The following DOCK2 variants were observed in gnomAD, a reference collection of about 807,000 sequenced individuals.
DOCK2 encodes dedicator of cytokinesis protein 2.
Under a neutral mutation model 248.9 loss-of-function variants are expected in DOCK2, and 87 were observed. The observed-to-expected ratio is 0.35, with a 90% CI of 0.29 to 0.42. The LOEUF (loss-of-function observed/expected upper bound fraction) is 0.42, where lower values mean the gene tolerates loss of function less well. Ranked by LOEUF, DOCK2 falls within the 10% of genes least tolerant of loss-of-function variation. The probability of loss-of-function intolerance (pLI) is 1.00; values close to 1 mark genes in which losing one functional copy is unlikely to be tolerated. For missense variants in DOCK2, 1,747 were observed against 2,300.2 expected, an observed-to-expected ratio of 0.76 and a Z score of 4.92; for synonymous variants, 805 against 821.6, an observed-to-expected ratio of 0.98 and a Z score of 0.35.
intron 27 of DOCK2, among the ~76,000 whole-genome samples, chr5:169,946,773 C>T (rs539253903): frequency 1.3e-5 from 2 of 152,340 alleles, no homozygotes; most frequent in South Asian, 4.1e-4. Context: ...CAGTAGGATC[C>T]TGTCATTGAG....
chr5:169,884,544 G>A (rs1772859708), intron 27 of DOCK2: 1 of 152,146 alleles, frequency 6.6e-6, no homozygotes, highest in African/African-American at 2.4e-5. Flanking sequence ...TGGGGCCATT[G>A]TTTTCTTTCA....
chr5:169,923,511 A>ACT (rs1491076506), intron 27 of DOCK2, among the ~76,000 whole-genome samples: 1 of 142,200 alleles, frequency 7.0e-6, no homozygotes, highest in South Asian at 2.2e-4. Flanking sequence ...ACACACACAC[A>ACT]CTCTTTGCAG....
intron 1 of DOCK2, among the ~76,000 whole-genome samples, chr5:169,645,160 G>C (rs1757385991): frequency 6.6e-6 from 1 of 152,168 alleles, no homozygotes; most frequent in Admixed American, 6.5e-5. Flanking sequence ...TATATACCTA[G>C]TAATGGGATT....
chr5:169,709,156 A>T (rs1430467507), intron 15 of DOCK2, among the ~76,000 whole-genome samples: 4 of 152,228 alleles, frequency 2.6e-5, no homozygotes, highest in Non-Finnish European at 4.4e-5. Context: ...AGTCTGCAAA[A>T]TTGAACTAGA....
At chr5:169,923,111 C>G (rs1174068321) in intron 27 of DOCK2, among the ~76,000 whole-genome samples, 2 of 152,180 alleles carry the variant, frequency 1.3e-5, no homozygotes, top group Non-Finnish European at 2.9e-5. Flanking sequence ...TGTGCCTAGG[C>G]TCTCAGGCTC....
chr5:169,799,811 G>GT (rs147707152), intron 25 of DOCK2, among the ~76,000 whole-genome samples: 18,546 of 151,336 alleles, frequency 0.12, 1,417 homozygotes, highest in Non-Finnish European at 0.17. Context: ...CAACGAGTTG[G>GT]TTTTTTTTTC....
chr5:169,697,959 G>A (rs566334302), intron 10 of DOCK2, among the ~76,000 whole-genome samples: 38 of 152,240 alleles, frequency 2.5e-4, no homozygotes, highest in African/African-American at 9.1e-4. Context: ...ATGAAAAGAG[G>A]GTGGATATTT....
intron 34 of DOCK2, among the ~76,000 whole-genome samples, chr5:170,028,950 G>A (rs982806206): frequency 1.3e-5 from 2 of 152,116 alleles, no homozygotes; most frequent in Non-Finnish European, 2.9e-5. Flanking sequence ...CCATATGGAT[G>A]TACCCCATTT....
At chr5:169,981,836 G>C (rs1345013191) in intron 27 of DOCK2, among the ~76,000 whole-genome samples, 2 of 152,084 alleles carry the variant, frequency 1.3e-5, no homozygotes, top group African/African-American at 4.8e-5. Context: ...TAAACATAAT[G>C]CTATTGCATA....
chr5:169,930,876 A>G (rs866860572), intron 27 of DOCK2, among the ~76,000 whole-genome samples: 13 of 152,130 alleles, frequency 8.5e-5, no homozygotes, highest in African/African-American at 1.4e-4. Context: ...TTCACAACAA[A>G]TTAGCCATAC....
At chr5:169,815,273 G>C (rs1307654735) in intron 26 of DOCK2, among the ~76,000 whole-genome samples, 1 of 152,186 alleles carries the variant, frequency 6.6e-6, no homozygotes, top group South Asian at 2.1e-4. Context: ...TAAGAAGACA[G>C]CTTTTGCTCA....
intron 29 of DOCK2, among the ~76,000 whole-genome samples, chr5:169,994,556 T>C (rs1188049150): frequency 6.6e-6 from 1 of 152,068 alleles, no homozygotes; most frequent in African/African-American, 2.4e-5. Context: ...CACTTAAGGC[T>C]GGTGGGATGG....
At position 170,079,042 on chromosome 5, in the gene DOCK2, A is replaced by T. The variant is rs755807147; in HGVS notation, c.5062A>T (p.Ser1688Cys). The T allele has an allele frequency of 6.2e-7, 1 of 1,614,058 alleles. No homozygotes were observed. The highest frequency in any genetic ancestry group is 1.1e-5 in the South Asian group (1 of 91,068). ...VEQEEPISPG[S>C]TLPEVKLRRS... ...GCAGGAGGAACCGATCTCCCCGGGG[A>T]GCACCCTGCCTGAGGTCAAGCTGCG... is the stretch of plus-strand genomic sequence containing the variant. Residue 1688 changes from serine to cysteine, a missense_variant, in exon 49 of 52, where the codon AGC becomes TGC. Transcript: ENST00000520908.
At position 170,082,877 on chromosome 5, in the gene DOCK2, T is replaced by C. The variant is rs776547860; in HGVS notation, c.*19T>C. The C allele has an allele frequency of 3.1e-6, 5 of 1,614,140 alleles. No homozygotes were observed. The highest frequency in any genetic ancestry group is 4.2e-6 in the Non-Finnish European group (5 of 1,180,010). On this transcript the variant is annotated 3_prime_UTR_variant, in exon 52 of 52. Coordinates refer to ENST00000520908, the MANE Select transcript of DOCK2 (RefSeq NM_004946.3). ...CCTGTGAGCTGCTGCTGACTAGGGC[T>C]GCATGGGAGAGCCAGGGAGGGGAGT... is the stretch of plus-strand genomic sequence containing the variant.
intron 26 of DOCK2, among the ~76,000 whole-genome samples, chr5:169,810,798 A>T (rs975810499): frequency 1.3e-5 from 2 of 152,118 alleles, no homozygotes; most frequent in African/African-American, 4.8e-5. Context: ...CTAGTGCAGG[A>T]GCTCAGTCCA....
At chr5:169,754,537 A>T (rs1764085173) in intron 23 of DOCK2, among the ~76,000 whole-genome samples, 1 of 152,202 alleles carries the variant, frequency 6.6e-6, no homozygotes, top group South Asian at 2.1e-4. Context: ...ATGTCAGAAG[A>T]ACTGCACTTT....
rs542882383 is a variant in DOCK2 at position 169,970,064 on chromosome 5, C to T, written c.2800-13004C>T. On this transcript the variant is annotated intron_variant, in intron 27 of 51. Transcript: ENST00000520908. ...CTGGCTACAGTGATGTAAGTGAAGC[C>T]TCCCATGTCCCACCCTGTTACTGCC... Among the ~76,000 whole-genome samples, 5 of 152,322 alleles carry T rather than the reference C, an allele frequency of 3.3e-5. No individual in the cohort carries two copies. In the South Asian group the frequency reaches 1.0e-3, roughly 32 times the overall value.
chr5:170,010,206 C>T (rs1371481577), intron 32 of DOCK2, among the ~76,000 whole-genome samples: 2 of 152,166 alleles, frequency 1.3e-5, no homozygotes, highest in African/African-American at 4.8e-5. Context: ...AGCACCCTCC[C>T]TAGTTATGAC....
Position 169,657,555 on chromosome 5 carries a change from T to C in DOCK2, c.127+3069T>C, listed in dbSNP as rs965086810. Among the ~76,000 whole-genome samples the C allele has an allele frequency of 2.6e-5, 4 of 152,238 alleles. No individual in the cohort carries two copies. The East Asian group carries it at 5.8e-4, about 22-fold the overall frequency. ...TTATAAAAATTGATATTAAAAACAG[T>C]AGGAATTTCTTGTAGAAGGGACAAA... On this transcript the variant is annotated intron_variant, in intron 2 of 51. Coordinates refer to ENST00000520908, the MANE Select transcript of DOCK2 (RefSeq NM_004946.3).
Sources: gnomAD v4.1 joint callset for allele counts (sites outside exome capture counted in the v4.1 genomes callset) on GRCh38, gnomAD v4.1.1 for gene constraint, MANE v1.5 for transcripts, NCBI Gene and HGNC (gene_info 2026-07-23, HGNC 2026-07-21) for gene names.